Variants in UNC13C observed in about 807,000 individuals in gnomAD.
The protein encoded by UNC13C is protein unc-13 homolog C.
UNC13C carries 174 observed loss-of-function variants against 245.4 expected under a neutral mutation model. The ratio of observed to expected loss-of-function variants is 0.71; its 90% CI spans 0.63 to 0.80. The LOEUF (loss-of-function observed/expected upper bound fraction) is 0.80. UNC13C is among the 30% of genes least tolerant of loss of function. The pLI, the probability that UNC13C is intolerant of heterozygous loss-of-function variation, is 0.00. For missense variants in UNC13C, 2,829 were observed against 2,602.9 expected (o/e 1.09, Z -1.89); for synonymous variants, 992 against 895.1 (o/e 1.11, Z -1.93).
the UNC13C span, among the ~76,000 whole-genome samples, chr15:53,847,993 T>C: frequency 6.6e-6 from 1 of 152,178 alleles, no homozygotes; most frequent in Non-Finnish European, 1.5e-5. Context: ...GTTATTTTAG[T>C]AGTCATAAAA....
At chr15:54,261,342 T>G (rs1409860344) in intron 8 of UNC13C, among the ~76,000 whole-genome samples, 1 of 152,164 alleles carries the variant, frequency 6.6e-6, no homozygotes, top group Non-Finnish European at 1.5e-5. Flanking sequence ...TTGTAACTAT[T>G]TAAGAAAGAG....
At chr15:54,444,145 A>G (rs1416653067) in intron 19 of UNC13C, among the ~76,000 whole-genome samples, 1 of 151,816 alleles carries the variant, frequency 6.6e-6, no homozygotes, top group Non-Finnish European at 1.5e-5. Context: ...ATTATATAAT[A>G]ATCTTCTTTG....
upstream of UNC13C, among the ~76,000 whole-genome samples, chr15:53,973,766 A>G (rs1192856702): frequency 2.6e-5 from 4 of 152,226 alleles, no homozygotes; most frequent in African/African-American, 7.2e-5. Flanking sequence ...GAATGAAAGT[A>G]TAGATGCCGT....
intron 19 of UNC13C, among the ~76,000 whole-genome samples, chr15:54,425,493 G>T (rs1242106010): frequency 6.6e-6 from 1 of 151,844 alleles, no homozygotes; most frequent in Non-Finnish European, 1.5e-5. Flanking sequence ...AGGCATGAGA[G>T]ATCTTACTAA....
intron 19 of UNC13C, among the ~76,000 whole-genome samples, chr15:54,467,417 A>G (rs1234283146): frequency 6.6e-6 from 1 of 151,692 alleles, no homozygotes; most frequent in Non-Finnish European, 1.5e-5. Flanking sequence ...CAAGATTTTA[A>G]GTTTTCATCA....
intron 4 of UNC13C, among the ~76,000 whole-genome samples, chr15:54,186,931 C>T (rs887481789): frequency 5.3e-5 from 8 of 151,334 alleles, no homozygotes; most frequent in Admixed American, 6.6e-5. Flanking sequence ...TCACTGCAAC[C>T]TCTACCTCCC....
At chr15:54,108,348 G>A (rs1262861460) in intron 2 of UNC13C, among the ~76,000 whole-genome samples, 1 of 152,050 alleles carries the variant, frequency 6.6e-6, no homozygotes, top group Non-Finnish European at 1.5e-5. Flanking sequence ...CACCACGCCT[G>A]GCTAATTTTT....
At chr15:53,856,479 T>G in the UNC13C span, among the ~76,000 whole-genome samples, 1 of 152,138 alleles carries the variant, frequency 6.6e-6, no homozygotes, top group Admixed American at 6.5e-5. Context: ...ACCCCAGAGA[T>G]TCTAGAATGT....
At chr15:54,430,158 T>C (rs1446227624) in intron 19 of UNC13C, among the ~76,000 whole-genome samples, 4 of 151,862 alleles carry the variant, frequency 2.6e-5, no homozygotes, top group Non-Finnish European at 4.4e-5. Flanking sequence ...TTTCAGATTC[T>C]ATATTCAGAT....
At chr15:53,975,326 GCCAACTTGCTGTTTT>G (rs1461468266), upstream of UNC13C, among the ~76,000 whole-genome samples, 1 of 152,134 alleles carries the variant, frequency 6.6e-6, no homozygotes, top group African/African-American at 2.4e-5. Flanking sequence ...AGCTAGAAAT[GCCAACTTGCTGTTTT>G]AAACATAATC....
intron 17 of UNC13C, among the ~76,000 whole-genome samples, chr15:54,346,348 A>C (rs11634629): frequency 0.064 from 9,804 of 152,252 alleles, 390 homozygotes; most frequent in Admixed American, 0.11. Context: ...CTGAGTTCAA[A>C]TTACAGCTCT....
intron 2 of UNC13C, among the ~76,000 whole-genome samples, chr15:54,093,596 G>A (rs1173731415): frequency 1.3e-5 from 2 of 152,184 alleles, no homozygotes; most frequent in Non-Finnish European, 2.9e-5. Context: ...ATTACCAAAT[G>A]CACGTGGGTG....
chr15:54,583,898 C>T (rs896193897), intron 30 of UNC13C, among the ~76,000 whole-genome samples: 1 of 152,216 alleles, frequency 6.6e-6, no homozygotes, highest in Non-Finnish European at 1.5e-5. Context: ...TACTTGTTCT[C>T]TTAAATCAGC....
At chr15:54,459,023 T>G (rs1891691641) in intron 19 of UNC13C, among the ~76,000 whole-genome samples, 1 of 152,168 alleles carries the variant, frequency 6.6e-6, no homozygotes, top group Non-Finnish European at 1.5e-5. Context: ...GATTCTATTT[T>G]GGTGTATTTT....
chr15:54,450,719 C>T (rs560855030), intron 19 of UNC13C, among the ~76,000 whole-genome samples: 82 of 152,302 alleles, frequency 5.4e-4, no homozygotes, highest in Admixed American at 1.2e-3. Context: ...TTGCGCTTCC[C>T]GGTTGAGGTG....
intron 29 of UNC13C, among the ~76,000 whole-genome samples, chr15:54,564,111 A>G (rs1226501696): frequency 1.3e-5 from 2 of 151,976 alleles, no homozygotes; most frequent in Admixed American, 6.6e-5. Context: ...GTCTGTGTCC[A>G]TTGAATGGGA....
intron 4 of UNC13C, among the ~76,000 whole-genome samples, chr15:54,164,842 T>C (rs1289816027): frequency 6.6e-6 from 1 of 152,290 alleles, no homozygotes; most frequent in South Asian, 2.1e-4. Context: ...TGGAATAATT[T>C]CATCATGATA....
intron 19 of UNC13C, among the ~76,000 whole-genome samples, chr15:54,450,369 G>A (rs1235960292): frequency 6.6e-6 from 1 of 152,234 alleles, no homozygotes; most frequent in Non-Finnish European, 1.5e-5. Flanking sequence ...GCCCCCAGAG[G>A]TGGAGTCTAC....
intron 2 of UNC13C, among the ~76,000 whole-genome samples, chr15:54,115,750 T>C (rs1194090692): frequency 6.6e-6 from 1 of 152,166 alleles, no homozygotes; most frequent in Non-Finnish European, 1.5e-5. Context: ...GAAATATTCA[T>C]TGATTACTAT....
Sources: allele counts gnomAD v4.1 joint callset (sites outside exome capture counted in the v4.1 genomes callset), GRCh38; gene constraint gnomAD v4.1.1; transcripts MANE v1.5; gene names NCBI Gene and HGNC (gene_info 2026-07-23, HGNC 2026-07-21).